Variants in RASL10B observed in about 807,000 individuals in gnomAD.
The protein encoded by RASL10B is ras-like protein family member 10B.
In RASL10B, 10 loss-of-function variants were observed where a neutral mutation model predicts 20.7. The observed-to-expected ratio is 0.48, with a 90% CI of 0.30 to 0.82. The LOEUF is 0.82. Ranked by LOEUF, RASL10B falls within the 40% of genes least tolerant of loss-of-function variation. RASL10B has a pLI of 0.07. For synonymous variants in RASL10B, 110 were observed against 123.3 expected, an observed-to-expected ratio of 0.89 and a Z score of 0.72; for missense variants, 231 against 295.4, an observed-to-expected ratio of 0.78 and a Z score of 1.60.
chr17:35,741,452 C>A lies in RASL10B; in HGVS notation c.*147C>A. ...CAGCCACGCACCTCCCGGTGAGAAG[C>A]AGAGCGCGAGAGGGAGCCCTCCGTA... On this transcript the variant is annotated 3_prime_UTR_variant, in exon 4 of 4. Transcript: ENST00000603017. The A allele has an allele frequency of 1.6e-6, 2 of 1,231,410 alleles. No homozygotes were observed. Among genetic ancestry groups the A allele is most frequent in the Non-Finnish European group, 1.1e-6 (1 of 946,960 alleles). The allele number at this position is 1,231,410 out of a possible 1,614,324, so 76.3% of individuals were successfully genotyped here. A position where few individuals can be genotyped will look rare whatever the true frequency, so the allele number is the denominator to read the frequency against.
chr17:35,741,960 G>A lies in RASL10B; in HGVS notation c.*655G>A, dbSNP rs1306431504. The A allele has an allele frequency of 6.6e-6, 1 of 152,660 alleles. No individual in the cohort carries two copies. The highest frequency in any genetic ancestry group is 1.5e-5 in the Non-Finnish European group (1 of 68,158). The allele number at this position is 152,660 out of a possible 1,614,324, so 9.5% of individuals were successfully genotyped here. On this transcript the variant is annotated 3_prime_UTR_variant, in exon 4 of 4. Transcript: ENST00000603017. Reference sequence around the variant, plus strand: ...GAAGGTTGAGCTCTCCGGCTTCCAGGGAGACCTCCCCGCCCAGCAGCCCCC... The same window carrying A: ...GAAGGTTGAGCTCTCCGGCTTCCAGAGAGACCTCCCCGCCCAGCAGCCCCC...
intron 1 of RASL10B, among the ~76,000 whole-genome samples, chr17:35,732,113 T>C (rs1368937969): frequency 2.0e-5 from 3 of 151,592 alleles, no homozygotes; most frequent in Non-Finnish European, 4.4e-5. Flanking sequence ...GCTGGGCTTC[T>C]ACATCCCCCC....
At position 35,743,099 on chromosome 17, in the gene RASL10B, A is replaced by T. The variant is rs1479629566; in HGVS notation, c.*1794A>T. The T allele has an allele frequency of 2.0e-5, 3 of 152,690 alleles. No homozygotes were observed. Among genetic ancestry groups the T allele is most frequent in the Admixed American group, 6.5e-5 (1 of 15,288 alleles). 9.5% of individuals were successfully genotyped at this position (152,690 alleles called of 1,614,324 possible). A position where few individuals can be genotyped will look rare whatever the true frequency, so the allele number is the denominator to read the frequency against. ...CTCTGTGAGCCTCCCTCTGACACAGAGGAGGTGGCTCCCCTTCCCCACACC... is the reference window on the plus strand; with the variant it reads ...CTCTGTGAGCCTCCCTCTGACACAGTGGAGGTGGCTCCCCTTCCCCACACC... On this transcript the variant is annotated 3_prime_UTR_variant, in exon 4 of 4. Coordinates refer to ENST00000603017, the MANE Select transcript of RASL10B (RefSeq NM_033315.4).
intron 2 of RASL10B, among the ~76,000 whole-genome samples, chr17:35,737,313 C>T (rs190965764): frequency 2.6e-4 from 39 of 152,212 alleles, no homozygotes; most frequent in African/African-American, 9.1e-4. Context: ...GGCGCTGTAC[C>T]TCAATTTTTT....
intron 2 of RASL10B, among the ~76,000 whole-genome samples, chr17:35,738,591 C>T (rs2085609535): frequency 6.6e-6 from 1 of 152,154 alleles, no homozygotes; most frequent in Admixed American, 6.5e-5. Context: ...TGAGCCTTGT[C>T]CCTGAAACTG....
intron 2 of RASL10B, among the ~76,000 whole-genome samples, chr17:35,739,865 G>A (rs781912632): frequency 1.3e-5 from 2 of 152,200 alleles, no homozygotes; most frequent in Non-Finnish European, 2.9e-5. Flanking sequence ...GCCTTCTCAG[G>A]AGCTCACAGC....
At chr17:35,737,118 G>T (rs782382548) in intron 2 of RASL10B, 1 of 152,060 alleles carries the variant, frequency 6.6e-6, no homozygotes, top group Non-Finnish European at 1.5e-5. Flanking sequence ...TGCTTCTTAC[G>T]TAAAGAACAA....
rs2085588729 is a variant in RASL10B at position 35,735,893 on chromosome 17, T to C, written c.216+493T>C. On this transcript the variant is annotated intron_variant, in intron 2 of 3. Transcript: ENST00000603017. This position sits in a 1 kb window ranked among gnomAD's most constrained non-coding sequence, Gnocchi z 6.7. ...GAGAAAAGGACAGGGAACACTAGGC[T>C]ACTGTGAGTATTCGGAGCTGTGCCT... Among the ~76,000 whole-genome samples the C allele has an allele frequency of 6.6e-6, 1 of 152,158 alleles. No individual in the cohort carries two copies. Among genetic ancestry groups the C allele is most frequent in the Non-Finnish European group, 1.5e-5 (1 of 68,036 alleles).
In RASL10B at chr17:35,740,551, A is replaced by G; in HGVS notation, c.341+18A>G. Reference sequence around the variant, plus strand: ...GAGACGAGGTGAGAGGCTGGAACACAGTCCATTGCCACCTCTGTGGATGCC... The same window carrying G: ...GAGACGAGGTGAGAGGCTGGAACACGGTCCATTGCCACCTCTGTGGATGCC... On this transcript the variant is annotated intron_variant, in intron 3 of 3. Coordinates refer to ENST00000603017, the MANE Select transcript of RASL10B (RefSeq NM_033315.4). 10 of 1,610,554 alleles carry G rather than the reference A, an allele frequency of 6.2e-6. No individual in the cohort carries two copies. Among genetic ancestry groups the G allele is most frequent in the Non-Finnish European group, 8.5e-6 (10 of 1,177,850 alleles).
intron 1 of RASL10B, among the ~76,000 whole-genome samples, chr17:35,733,216 A>T (rs587665054): frequency 9.5e-4 from 144 of 152,234 alleles, no homozygotes; most frequent in African/African-American, 3.4e-3. Context: ...CCCTCCTGGG[A>T]TTGCTAGGAG....
At chr17:35,738,803 T>TG (rs2085611140) in intron 2 of RASL10B, among the ~76,000 whole-genome samples, 2 of 152,130 alleles carry the variant, frequency 1.3e-5, no homozygotes, top group African/African-American at 4.8e-5. Flanking sequence ...GGCAACATGT[T>TG]GGGGGAGAGG....
Position 35,743,174 on chromosome 17 carries a change from G to T in RASL10B, c.*1869G>T, listed in dbSNP as rs2085641160. 6.5e-6 allele frequency: 1 copy of T among 152,788 alleles called. No individual in the cohort carries two copies. The highest frequency in any genetic ancestry group is 2.1e-4 in the South Asian group (1 of 4,840). The allele number at this position is 152,788 out of a possible 1,614,324, so 9.5% of individuals were successfully genotyped here. A position where few individuals can be genotyped will look rare whatever the true frequency, so the allele number is the denominator to read the frequency against. On this transcript the variant is annotated 3_prime_UTR_variant, in exon 4 of 4. Transcript: ENST00000603017. ...AGAGGGCCTGCCCCTTTAGTCTCCT[G>T]CACCCCTGCCCCCTGGTTCACCAGA...
Position 35,735,160 on chromosome 17 carries a change from G to A in RASL10B, c.-25G>A, listed in dbSNP as rs202117692. On this transcript the variant is annotated 5_prime_UTR_variant, in exon 2 of 4. Transcript: ENST00000603017. The surrounding 1 kb of genome is among the most constrained non-coding windows in gnomAD (Gnocchi z 6.7). ...GGGAGCCCCAGACAGCGGCAAGGAC[G>A]AGGTGGCGGAGTGGGGCGGGAGGCA... is the stretch of plus-strand genomic sequence containing the variant. 2.7e-5 allele frequency: 43 copies of A among 1,597,300 alleles called. No homozygotes were observed. In the East Asian group the frequency reaches 6.0e-4, roughly 22 times the overall value.
At chr17:35,738,524 G>A (rs2085609129) in intron 2 of RASL10B, among the ~76,000 whole-genome samples, 1 of 152,122 alleles carries the variant, frequency 6.6e-6, no homozygotes, top group Non-Finnish European at 1.5e-5. Flanking sequence ...AGATTATCAG[G>A]TGCTTGCAAC....
rs1422396196 is a variant in RASL10B, at chr17:35,741,591, G to T, written c.*286G>T. On this transcript the variant is annotated 3_prime_UTR_variant, in exon 4 of 4. Transcript: ENST00000603017. Reference sequence around the variant, plus strand: ...GGGGTGCCACAGCCTTTTGGGATGGGGGTGAGCGTGCAATGGAGGCTGGGG... The same window carrying T: ...GGGGTGCCACAGCCTTTTGGGATGGTGGTGAGCGTGCAATGGAGGCTGGGG... 4 of 391,970 alleles carry T rather than the reference G, an allele frequency of 1.0e-5. No individual in the cohort carries two copies. The highest frequency in any genetic ancestry group is 9.1e-5 in the South Asian group (1 of 11,000). The allele number at this position is 391,970 out of a possible 1,614,324, so 24.3% of individuals were successfully genotyped here.
At chr17:35,738,944 G>A (rs1476286051) in intron 2 of RASL10B, among the ~76,000 whole-genome samples, 1 of 152,160 alleles carries the variant, frequency 6.6e-6, no homozygotes, top group African/African-American at 2.4e-5. Flanking sequence ...GGGAGCATCC[G>A]TATACACAGG....
At chr17:35,733,600 C>T (rs1436366682) in intron 1 of RASL10B, among the ~76,000 whole-genome samples, 9 of 152,228 alleles carry the variant, frequency 5.9e-5, no homozygotes, top group Non-Finnish European at 1.2e-4. Flanking sequence ...TGCCAGAATC[C>T]GGCGAACCCA....
chr17:35,738,199 A>T (rs1555597459), intron 2 of RASL10B, among the ~76,000 whole-genome samples: 1 of 151,850 alleles, frequency 6.6e-6, no homozygotes, highest in Non-Finnish European at 1.5e-5. Context: ...AGAACTATTG[A>T]TGTCCTTTGC....
chr17:35,741,088 T>C lies in RASL10B; in HGVS notation c.395T>C (p.Leu132Pro), dbSNP rs1598390843. The change falls in exon 4 of 4, where the codon CTG (leucine) becomes CCG (proline). Residue 132 changes from leucine to proline, a missense_variant. Coordinates refer to ENST00000603017, the MANE Select transcript of RASL10B (RefSeq NM_033315.4). ...ATCATCGTGGGCAACAAGCGGGACCTGCAGCGCGGACGCGTGATCCCGCGC... is the reference window on the plus strand; with the variant it reads ...ATCATCGTGGGCAACAAGCGGGACCCGCAGCGCGGACGCGTGATCCCGCGC... The part of the protein sequence containing the change: ...PIIIVGNKRD[L>P]QRGRVIPRWN... 1 of 1,612,412 alleles carries C rather than the reference T, an allele frequency of 6.2e-7. No homozygotes were observed.
Sources: gnomAD v4.1 joint callset for allele counts (sites outside exome capture counted in the v4.1 genomes callset) on GRCh38, gnomAD v4.1.1 for gene constraint, Gnocchi (gnomAD v3.1) non-coding constraint, MANE v1.5 for transcripts, NCBI Gene and HGNC (gene_info 2026-07-23, HGNC 2026-07-21) for gene names.